Variants in CSMD3 observed in about 807,000 individuals in gnomAD.
CSMD3 encodes CUB and sushi domain-containing protein 3.
Under a neutral mutation model 435.2 loss-of-function variants are expected in CSMD3, and 177 were observed. That is an observed-to-expected ratio of 0.41 (90% CI 0.36 to 0.46). The LOEUF (loss-of-function observed/expected upper bound fraction) is 0.46. CSMD3 is among the 20% of genes least tolerant of loss of function. The probability of loss-of-function intolerance (pLI) is 0.34; values close to 1 mark genes in which losing one functional copy is unlikely to be tolerated. For missense variants in CSMD3, 4,265 were observed against 4,504.6 expected (o/e 0.95, Z 1.52); for synonymous variants, 1,656 against 1,520.5 (o/e 1.09, Z -2.07).
intron 3 of CSMD3, among the ~76,000 whole-genome samples, chr8:113,250,879 A>C (rs2093328847): frequency 6.6e-6 from 1 of 152,158 alleles, no homozygotes; most frequent in South Asian, 2.1e-4. Context: ...GCCAGCGCGG[A>C]AGACAGCCAT....
rs574347439 is a variant in CSMD3 at position 112,255,502 on chromosome 8, C to A, written c.9863-75G>T. The A allele has an allele frequency of 3.1e-4, 405 of 1,290,546 alleles. 2 individuals carry two copies. In the South Asian group the frequency reaches 4.6e-3, roughly 15 times the overall value. The allele number at this position is 1,290,546 out of a possible 1,614,324, so 79.9% of individuals were successfully genotyped here. ...AGTACACAGTTTGGAAAAATGGTGA[C>A]AATCAATTTGAATATTGTACTAAAG... On this transcript the variant is annotated intron_variant, in intron 61 of 70. Transcript: ENST00000297405.
chr8:113,158,484 A>ATTT (rs968915719), intron 4 of CSMD3, among the ~76,000 whole-genome samples: 38 of 152,126 alleles, frequency 2.5e-4, no homozygotes, highest in African/African-American at 9.2e-4. Context: ...CATCACTTGA[A>ATTT]TTGACTCTGT....
intron 50 of CSMD3, among the ~76,000 whole-genome samples, chr8:112,306,612 C>G (rs374268867): frequency 1.3e-5 from 2 of 152,038 alleles, no homozygotes; most frequent in African/African-American, 4.8e-5. Flanking sequence ...AGAGTGGCAA[C>G]CAATATGAAT....
intron 22 of CSMD3, among the ~76,000 whole-genome samples, chr8:112,594,153 G>A (rs990979633): frequency 6.6e-6 from 1 of 152,146 alleles, no homozygotes; most frequent in African/African-American, 2.4e-5. Flanking sequence ...ACAGGTCAGT[G>A]GGTGCACGCA....
chr8:112,446,589 G>A (rs1466072815), intron 32 of CSMD3, among the ~76,000 whole-genome samples: 1 of 152,124 alleles, frequency 6.6e-6, no homozygotes, highest in Admixed American at 6.6e-5. Context: ...TCTACCTATG[G>A]CATGAAGGCT....
intron 10 of CSMD3, among the ~76,000 whole-genome samples, chr8:112,872,180 T>C (rs1262517609): frequency 6.6e-6 from 1 of 151,984 alleles, no homozygotes; most frequent in Non-Finnish European, 1.5e-5. Flanking sequence ...TCTGGAACTA[T>C]CAATAAGTAG....
chr8:112,466,853 T>C (rs1818005063), intron 32 of CSMD3, among the ~76,000 whole-genome samples: 1 of 151,814 alleles, frequency 6.6e-6, no homozygotes, highest in African/African-American at 2.4e-5. Flanking sequence ...TTGCTACTTA[T>C]CACTGTTTTA....
intron 1 of CSMD3, among the ~76,000 whole-genome samples, chr8:113,406,457 T>G (rs1289385009): frequency 6.6e-6 from 1 of 151,932 alleles, no homozygotes; most frequent in East Asian, 1.9e-4. Context: ...AAAAAAGAAG[T>G]AAGTTACTGC....
chr8:112,811,788 G>A (rs981852919), intron 12 of CSMD3, among the ~76,000 whole-genome samples: 2 of 152,074 alleles, frequency 1.3e-5, no homozygotes, highest in South Asian at 4.1e-4. Flanking sequence ...TGGGTTGGTA[G>A]GTGATTTTAT....
intron 11 of CSMD3, among the ~76,000 whole-genome samples, chr8:112,832,604 G>A (rs995690499): frequency 2.0e-5 from 3 of 152,088 alleles, no homozygotes; most frequent in Non-Finnish European, 4.4e-5. Flanking sequence ...TAGGAGCTGA[G>A]GGCCTAAGTC....
At chr8:112,856,490 G>T (rs1173185422) in intron 11 of CSMD3, among the ~76,000 whole-genome samples, 1 of 151,762 alleles carries the variant, frequency 6.6e-6, no homozygotes, top group Non-Finnish European at 1.5e-5. Flanking sequence ...GGAGATGGCA[G>T]CATTTGGCAA....
At chr8:112,353,653 G>C (rs981219250) in intron 38 of CSMD3, among the ~76,000 whole-genome samples, 4 of 152,038 alleles carry the variant, frequency 2.6e-5, no homozygotes, top group African/African-American at 9.7e-5. Flanking sequence ...GATAGTATCA[G>C]TGAGAAACTG....
At chr8:113,363,290 G>GC (rs2094289524) in intron 1 of CSMD3, among the ~76,000 whole-genome samples, 2 of 23,124 alleles carry the variant, frequency 8.6e-5, no homozygotes, top group Non-Finnish European at 3.8e-4. Flanking sequence ...TTACACGCGT[G>GC]TTTGTATATT....
intron 3 of CSMD3, among the ~76,000 whole-genome samples, chr8:113,201,928 T>C (rs2092719959): frequency 6.6e-6 from 1 of 152,098 alleles, no homozygotes; most frequent in African/African-American, 2.4e-5. Context: ...TCAACATAGA[T>C]GTTTTGGTAT....
In CSMD3 at chr8:112,646,722, A is replaced by G. The variant is rs79681175; in HGVS notation, c.3194-1497T>C. 4.3e-3 allele frequency among the ~76,000 whole-genome samples: 648 copies of G among 152,294 alleles called. 13 individuals are homozygous for G. In the East Asian group the frequency reaches 0.06, roughly 14 times the overall value. On this transcript the variant is annotated intron_variant, in intron 19 of 70. Transcript: ENST00000297405. ...AAAGTATAGAATATATTTTTATAAC[A>G]AAGTGAAGATTTCTGTTATTTGAAA...
At chr8:112,938,545 G>T (rs2083354811) in intron 9 of CSMD3, among the ~76,000 whole-genome samples, 1 of 152,170 alleles carries the variant, frequency 6.6e-6, no homozygotes, top group African/African-American at 2.4e-5. Context: ...TAGGAAGCAA[G>T]AGTAGCATGT....
chr8:112,351,059 A>G, intron 40 of CSMD3, 116 bp downstream of exon 40: 1 of 623,808 alleles, frequency 1.6e-6, no homozygotes, highest in Non-Finnish European at 2.8e-6. Flanking sequence ...TATATGTTTG[A>G]AAATCATGAT....
chr8:112,996,710 G>C (rs1357166128), intron 6 of CSMD3, among the ~76,000 whole-genome samples: 1 of 151,608 alleles, frequency 6.6e-6, no homozygotes, highest in African/African-American at 2.4e-5. Flanking sequence ...GTGTATGTGT[G>C]TGCATCCTAT....
intron 46 of CSMD3, 52 bp from the exon 47 acceptor site, chr8:112,319,002 A>G: frequency 1.0e-6 from 1 of 994,826 alleles, no homozygotes; most frequent in Non-Finnish European, 1.6e-6. Context: ...TGATGATAAA[A>G]ATAAACAAAT....
Sources: allele counts gnomAD v4.1 joint callset (sites outside exome capture counted in the v4.1 genomes callset), GRCh38; gene constraint gnomAD v4.1.1; transcripts MANE v1.5; gene names NCBI Gene and HGNC (gene_info 2026-07-23, HGNC 2026-07-21).